Variants in IL1RAPL2 observed in about 807,000 individuals in gnomAD.
IL1RAPL2 encodes X-linked interleukin-1 receptor accessory protein-like 2.
In IL1RAPL2, 3 loss-of-function variants were observed where a neutral mutation model predicts 44.1. The ratio of observed to expected loss-of-function variants is 0.07; its 90% CI spans 0.03 to 0.18. The LOEUF is 0.18. Among genes scored for constraint, IL1RAPL2 ranks in the 10% least tolerant of loss-of-function variants. IL1RAPL2 has a pLI of 1.00. For missense variants in IL1RAPL2, 391 were observed against 496.4 expected, an observed-to-expected ratio of 0.79 and a Z score of 2.02; for synonymous variants, 181 against 178.8, an observed-to-expected ratio of 1.01 and a Z score of -0.10.
chrX:105,509,410 G>C (rs758013283), intron 6 of IL1RAPL2, among the ~76,000 whole-genome samples: 13 of 111,891 alleles, frequency 1.2e-4, no homozygotes, highest in Non-Finnish European at 2.1e-4. Context: ...GCATAAACTT[G>C]AGAGAAGATG....
At position 104,855,681 on chromosome X, in the gene IL1RAPL2, G is replaced by GTGTTTTTTTTTT; in HGVS notation, c.82+196687_82+196688insGTTTTTTTTTTT. Among the ~76,000 whole-genome samples, 74 of 53,853 alleles carry GTGTTTTTTTTTT rather than the reference G, an allele frequency of 1.4e-3. 18 individuals carry two copies. The highest frequency in any genetic ancestry group is 9.3e-3 in the Middle Eastern group (1 of 107). The allele number at this position is 53,853 out of a possible 115,157, so 46.8% of individuals were successfully genotyped here. On this transcript the variant is annotated intron_variant, in intron 2 of 10. Coordinates refer to ENST00000372582, the MANE Select transcript of IL1RAPL2 (RefSeq NM_017416.2). ...TTAACTGTGCTAAGGATCTGGATCC[G>GTGTTTTTTTTTT]TTTTTTTTTTTTTTTTTACTGTATC...
chrX:105,210,985 GCCACCCACCTTTTGACC>G (rs2033803841), intron 3 of IL1RAPL2, among the ~76,000 whole-genome samples: 1 of 111,032 alleles, frequency 9.0e-6, no homozygotes, highest in African/African-American at 3.3e-5. Context: ...AGACCAACCT[GCCACCCACCTTTTGACC>G]CCACCCACTC....
At chrX:104,924,461 G>A (rs1487730016) in intron 2 of IL1RAPL2, among the ~76,000 whole-genome samples, 1 of 111,869 alleles carries the variant, frequency 8.9e-6, no homozygotes, top group Non-Finnish European at 1.9e-5. Context: ...CATAAAGTAA[G>A]TCTCAATAAA....
chrX:105,575,270 G>T (rs184349157), intron 6 of IL1RAPL2, among the ~76,000 whole-genome samples: 3,296 of 110,349 alleles, frequency 0.03, 125 homozygotes, highest in African/African-American at 0.1. Flanking sequence ...AGATTATTTT[G>T]TCACCCTGGT....
intron 6 of IL1RAPL2, among the ~76,000 whole-genome samples, chrX:105,672,536 C>T (rs982749445): frequency 1.8e-5 from 2 of 112,697 alleles, no homozygotes; most frequent in African/African-American, 6.4e-5. Flanking sequence ...AGGGATGTCT[C>T]ATTACAGCTG....
intron 6 of IL1RAPL2, among the ~76,000 whole-genome samples, chrX:105,624,583 T>C (rs1330562928): frequency 9.0e-6 from 1 of 111,525 alleles, no homozygotes; most frequent in East Asian, 2.8e-4. Context: ...AAGAAAAGGC[T>C]ATTCAGTGTG....
At chrX:105,413,490 G>C (rs1412384581) in intron 5 of IL1RAPL2, among the ~76,000 whole-genome samples, 1 of 111,418 alleles carries the variant, frequency 9.0e-6, no homozygotes, top group Non-Finnish European at 1.9e-5. Flanking sequence ...TGGAGCCATG[G>C]GACCATGAGC....
intron 2 of IL1RAPL2, among the ~76,000 whole-genome samples, chrX:105,032,802 A>T (rs945550610): frequency 9.0e-6 from 1 of 111,098 alleles, no homozygotes; most frequent in African/African-American, 3.3e-5. Context: ...TGTCTCGTTG[A>T]TCTGTCTAAT....
At chrX:105,249,706 G>T (rs2034253848) in intron 4 of IL1RAPL2, among the ~76,000 whole-genome samples, 1 of 111,473 alleles carries the variant, frequency 9.0e-6, no homozygotes, top group African/African-American at 3.2e-5. Flanking sequence ...GACACCCAAT[G>T]CTAACAAGGA....
chrX:105,684,629 A>G (rs2037953826), intron 6 of IL1RAPL2, among the ~76,000 whole-genome samples: 1 of 112,509 alleles, frequency 8.9e-6, no homozygotes, highest in African/African-American at 3.2e-5. Context: ...GCAGCAGACA[A>G]CTTCTGCAGA....
At chrX:105,165,516 C>T (rs1483823273) in intron 2 of IL1RAPL2, among the ~76,000 whole-genome samples, 4 of 112,019 alleles carry the variant, frequency 3.6e-5, no homozygotes, top group Non-Finnish European at 3.8e-5. Context: ...TTGACCTCTT[C>T]CAGTCTTTGT....
intron 2 of IL1RAPL2, among the ~76,000 whole-genome samples, chrX:104,807,432 T>A (rs780522122): frequency 1.8e-5 from 2 of 111,575 alleles, no homozygotes; most frequent in South Asian, 3.8e-4. Context: ...GGAATAGGGT[T>A]TATCTTTATT....
chrX:104,824,259 C>G (rs1921390971), intron 2 of IL1RAPL2, among the ~76,000 whole-genome samples: 1 of 111,827 alleles, frequency 8.9e-6, no homozygotes, highest in East Asian at 2.8e-4. Flanking sequence ...GGTGGATAAG[C>G]TTTTTGATCT....
chrX:105,219,470 C>T (rs782538724), intron 3 of IL1RAPL2: 10 of 1,210,360 alleles, frequency 8.3e-6, no homozygotes, highest in Non-Finnish European at 1.0e-5. Context: ...AGGATTCTCT[C>T]CAGCTTCTCT....
intron 2 of IL1RAPL2, among the ~76,000 whole-genome samples, chrX:105,069,533 T>C (rs2032180415): frequency 8.9e-6 from 1 of 112,357 alleles, no homozygotes; most frequent in East Asian, 2.8e-4. Context: ...TTATGTTGTA[T>C]GGAGCAAGGG....
chrX:105,107,008 T>C (rs1429112520), intron 2 of IL1RAPL2, among the ~76,000 whole-genome samples: 1 of 111,840 alleles, frequency 8.9e-6, no homozygotes, highest in Non-Finnish European at 1.9e-5. Context: ...ATTATAATGA[T>C]ATGTCTATTC....
At chrX:104,911,258 A>G (rs778468567) in intron 2 of IL1RAPL2, among the ~76,000 whole-genome samples, 93 of 112,106 alleles carry the variant, frequency 8.3e-4, no homozygotes, top group African/African-American at 1.1e-3. Context: ...TACATTAACA[A>G]TTTCAGAAAA....
At chrX:104,956,951 T>C (rs2029913340) in intron 2 of IL1RAPL2, among the ~76,000 whole-genome samples, 1 of 112,268 alleles carries the variant, frequency 8.9e-6, no homozygotes, top group Non-Finnish European at 1.9e-5. Context: ...TATCCTACTC[T>C]AAGGGGCTCC....
chrX:105,170,822 C>T (rs1004114629), intron 2 of IL1RAPL2, among the ~76,000 whole-genome samples: 2 of 112,045 alleles, frequency 1.8e-5, no homozygotes, highest in East Asian at 2.8e-4. Flanking sequence ...ATGAGGATTT[C>T]GATGAAGCCC....
Sources: gnomAD v4.1 joint callset for allele counts (sites outside exome capture counted in the v4.1 genomes callset) on GRCh38, gnomAD v4.1.1 for gene constraint, MANE v1.5 for transcripts, NCBI Gene and HGNC (gene_info 2026-07-23, HGNC 2026-07-21) for gene names.